CDH10: variants seen among roughly 807,000 people sequenced by gnomAD.
The protein encoded by CDH10 is cadherin-10.
CDH10 carries 30 observed loss-of-function variants against 73.1 expected under a neutral mutation model. The observed-to-expected ratio is 0.41, with a 90% confidence interval of 0.31 to 0.56. The LOEUF is 0.56. Among genes scored for constraint, CDH10 ranks in the 20% least tolerant of loss-of-function variants. The pLI, the probability that CDH10 is intolerant of heterozygous loss-of-function variation, is 0.27. For synonymous variants in CDH10, 345 were observed against 348.2 expected (o/e 0.99, Z 0.10); for missense variants, 815 against 973.7 (o/e 0.84, Z 2.17).
At position 24,487,612 on chromosome 5, in the gene CDH10, C is replaced by T. The variant is rs2111596676; in HGVS notation, c.*51G>A. 1.3e-6 allele frequency: 2 copies of T among 1,527,980 alleles called. No homozygotes were observed. The highest frequency in any genetic ancestry group is 4.5e-5 in the East Asian group (2 of 44,116). 94.7% of individuals were successfully genotyped at this position (1,527,980 alleles called of 1,614,324 possible). A position where few individuals can be genotyped will look rare whatever the true frequency, so the allele number is the denominator to read the frequency against. ...AATATCAAATATTGTGAAGTGGAGA[C>T]AGCATGGGTAGAGTTACTTTCTCTT... On this transcript the variant is annotated 3_prime_UTR_variant, in exon 12 of 12. Transcript: ENST00000264463.
rs55946839 is a variant in CDH10 at position 24,572,935 on chromosome 5, G to GAA, written c.231+20323_231+20324dup. On this transcript the variant is annotated intron_variant, in intron 2 of 11. Transcript: ENST00000264463. ...ATCTGTATAATTGTACTTAGAAAAAGAAAAAAAAAAAAAAAAAAAAAGGAG... is the reference window on the plus strand; with the variant it reads ...ATCTGTATAATTGTACTTAGAAAAAGAAAAAAAAAAAAAAAAAAAAAAAGGAG... Among the ~76,000 whole-genome samples, 685 of 72,068 alleles carry GAA rather than the reference G, an allele frequency of 9.5e-3. 27 individuals carry two copies. The highest frequency in any genetic ancestry group is 0.013 in the Non-Finnish European group (531 of 39,618). The allele number at this position is 72,068 out of a possible 152,430, so 47.3% of individuals were successfully genotyped here.
chr5:24,602,141 TACTAA>T (rs1746586255), intron 1 of CDH10, among the ~76,000 whole-genome samples: 1 of 152,276 alleles, frequency 6.6e-6, no homozygotes, highest in East Asian at 1.9e-4. Flanking sequence ...TCCAGTATAA[TACTAA>T]ACTAATCACT....
chr5:24,610,469 TG>T (rs932258568), intron 1 of CDH10, among the ~76,000 whole-genome samples: 4 of 152,300 alleles, frequency 2.6e-5, no homozygotes, highest in Admixed American at 6.5e-5. Flanking sequence ...AATATTAATG[TG>T]TTTTTTTCAT....
At chr5:24,554,115 G>GAGAGAGAGAGAGAGAGAGAGAGAGAGAGA (rs1561159222) in intron 2 of CDH10, 1 of 22,910 alleles carries the variant, frequency 4.4e-5, no homozygotes, top group Non-Finnish European at 1.0e-4. Flanking sequence ...GGTGGGCGGG[G>GAGAGAGAGAGAGAGAGAGAGAGAGAGAGA]GGGGGAGAGA....
chr5:24,595,722 T>C (rs1390088157), intron 1 of CDH10, among the ~76,000 whole-genome samples: 5 of 151,974 alleles, frequency 3.3e-5, no homozygotes, highest in Non-Finnish European at 7.4e-5. Context: ...TTAAAACCTA[T>C]TGAAGAAACA....
chr5:24,563,487 G>T (rs1745037063), intron 2 of CDH10, among the ~76,000 whole-genome samples: 1 of 149,988 alleles, frequency 6.7e-6, no homozygotes, highest in Non-Finnish European at 1.5e-5. Context: ...CGGGCGCGGT[G>T]GCTCACGCCT....
At chr5:24,642,851 T>C (rs1349797662) in intron 1 of CDH10, among the ~76,000 whole-genome samples, 1 of 152,052 alleles carries the variant, frequency 6.6e-6, no homozygotes, top group Non-Finnish European at 1.5e-5. Context: ...TTCTATTCTT[T>C]GATTGAAGTC....
At chr5:24,570,000 A>G (rs1015215273) in intron 2 of CDH10, among the ~76,000 whole-genome samples, 5 of 152,068 alleles carry the variant, frequency 3.3e-5, no homozygotes, top group African/African-American at 1.2e-4. Flanking sequence ...TCCTAACCTC[A>G]GGTGATCTGC....
chr5:24,550,491 A>T (rs1446947118), intron 2 of CDH10, among the ~76,000 whole-genome samples: 1 of 152,194 alleles, frequency 6.6e-6, no homozygotes, highest in African/African-American at 2.4e-5. Flanking sequence ...ATTTTTCCAA[A>T]TTTATATCAG....
intron 1 of CDH10, among the ~76,000 whole-genome samples, chr5:24,594,836 A>T (rs879423999): frequency 1.7e-4 from 26 of 151,774 alleles, no homozygotes; most frequent in Admixed American, 9.2e-4. Context: ...TTTCTTCTAC[A>T]ATCCCATGTA....
chr5:24,587,096 G>A (rs1199985933), intron 2 of CDH10, among the ~76,000 whole-genome samples: 1 of 151,516 alleles, frequency 6.6e-6, no homozygotes, highest in Admixed American at 6.6e-5. Context: ...TGCCCGCCTC[G>A]GCCTCCCAAC....
chr5:24,637,107 A>G (rs778057202), intron 1 of CDH10, among the ~76,000 whole-genome samples: 19 of 152,064 alleles, frequency 1.2e-4, no homozygotes, highest in Middle Eastern at 3.4e-3. Flanking sequence ...TCTTTCTTGT[A>G]TTTATCAAAG....
intron 1 of CDH10, among the ~76,000 whole-genome samples, chr5:24,600,137 AT>A (rs1746509705): frequency 6.6e-6 from 1 of 152,200 alleles, no homozygotes; most frequent in Non-Finnish European, 1.5e-5. Context: ...TACAAGACTT[AT>A]TCCTCATTTT....
chr5:24,593,369 A>G lies in CDH10; in HGVS notation c.122T>C (p.Val41Ala), dbSNP rs781536027. Reference sequence around the variant, plus strand: ...GAGAATTTTGCCATCACTCCTTGGTACACGTGAACTTAAAATTCTTTGCTG... The same window carrying G: ...GAGAATTTTGCCATCACTCCTTGGTGCACGTGAACTTAAAATTCTTTGCTG... Reference protein sequence around the residue: ...VPQQRILSSRVPRSDGKILHR... With the variant: ...VPQQRILSSRAPRSDGKILHR... The change falls in exon 2 of 12, where the codon GTA becomes GCA. Residue 41 changes from valine (V) to alanine (A), a missense_variant. Val to Ala is a moderately conservative substitution (Grantham distance 64). Coordinates refer to ENST00000264463, the MANE Select transcript of CDH10 (RefSeq NM_006727.5). 1 of 1,612,348 alleles carries G rather than the reference A, an allele frequency of 6.2e-7. No individual in the cohort carries two copies. Among genetic ancestry groups the G allele is most frequent in the South Asian group, 1.1e-5 (1 of 91,056 alleles).
At chr5:24,559,568 G>A (rs1366449765) in intron 2 of CDH10, among the ~76,000 whole-genome samples, 1 of 151,876 alleles carries the variant, frequency 6.6e-6, no homozygotes, top group Non-Finnish European at 1.5e-5. Context: ...AATGTTTTTG[G>A]TCAACTGAAA....
At chr5:24,584,475 TGAGAGAGA>T (rs1554023331) in intron 2 of CDH10, among the ~76,000 whole-genome samples, 1 of 79,690 alleles carries the variant, frequency 1.3e-5, no homozygotes, top group African/African-American at 4.7e-5. Context: ...TGTGTGTGTG[TGAGAGAGA>T]GAGAGAGAGA....
intron 11 of CDH10, among the ~76,000 whole-genome samples, chr5:24,490,615 G>A (rs764479771): frequency 5.3e-5 from 8 of 152,032 alleles, no homozygotes; most frequent in Middle Eastern, 6.3e-3. Flanking sequence ...TCTATAGAAT[G>A]AAGTAGACAT....
chr5:24,544,225 C>A (rs993895008), intron 2 of CDH10, among the ~76,000 whole-genome samples: 1 of 151,946 alleles, frequency 6.6e-6, no homozygotes, highest in Non-Finnish European at 1.5e-5. Flanking sequence ...ACTGGGGAGG[C>A]GGAGGTTGCA....
chr5:24,520,166 T>A (rs779986965), intron 5 of CDH10, among the ~76,000 whole-genome samples: 5 of 152,182 alleles, frequency 3.3e-5, no homozygotes, highest in Non-Finnish European at 7.3e-5. Flanking sequence ...GACATATATG[T>A]AGACATAGGT....
Sources: allele counts gnomAD v4.1 joint callset (sites outside exome capture counted in the v4.1 genomes callset), GRCh38; gene constraint gnomAD v4.1.1; transcripts MANE v1.5; gene names NCBI Gene and HGNC (gene_info 2026-07-23, HGNC 2026-07-21).